MYO5C: variants seen among roughly 807,000 people sequenced by gnomAD.
MYO5C encodes the protein myosin VC, also known as unconventional myosin-Vc.
A neutral mutation model predicts 235.7 loss-of-function variants in MYO5C; 194 were observed. That is an observed-to-expected ratio of 0.82 (90% confidence interval 0.73 to 0.93). The LOEUF is 0.93. MYO5C is among the 40% of genes least tolerant of loss of function. MYO5C has a pLI of 0.00. For synonymous variants in MYO5C, 707 were observed against 754.8 expected (o/e 0.94, Z 1.04); for missense variants, 2,038 against 2,127.2 (o/e 0.96, Z 0.82).
chr15:52,224,836 G>A, intron 28 of MYO5C, 65 bp downstream of exon 28: 1 of 1,361,006 alleles, frequency 7.3e-7, no homozygotes, highest in Non-Finnish European at 1.0e-6. Flanking sequence ...GTAAACTTTG[G>A]ACTTTCCAAT....
intron 38 of MYO5C, among the ~76,000 whole-genome samples, chr15:52,197,044 C>T (rs998608019): frequency 2.0e-5 from 3 of 152,114 alleles, no homozygotes; most frequent in African/African-American, 2.4e-5. Context: ...CTAGTGGGAA[C>T]GTAAAATGGT....
At chr15:52,257,643 ACCCTAACACAG>A (rs1860893427) in intron 10 of MYO5C, among the ~76,000 whole-genome samples, 2 of 151,994 alleles carry the variant, frequency 1.3e-5, no homozygotes, top group South Asian at 4.2e-4. Flanking sequence ...ACCTCCTATA[ACCCTAACACAG>A]CCCTATGTGA....
chr15:52,280,490 C>T (rs1292692357), intron 2 of MYO5C, among the ~76,000 whole-genome samples: 1 of 152,228 alleles, frequency 6.6e-6, no homozygotes, highest in Non-Finnish European at 1.5e-5. Context: ...ATTCTAATTC[C>T]TACACTCCCA....
chr15:52,195,533 T>G, intron 39 of MYO5C, 76 bp from the exon 40 acceptor site: 3 of 918,608 alleles, frequency 3.3e-6, no homozygotes, highest in Non-Finnish European at 4.8e-6. Flanking sequence ...TTCTGGTTAT[T>G]GGGAACCATT....
intron 1 of MYO5C, among the ~76,000 whole-genome samples, chr15:52,289,296 C>G (rs2037341366): frequency 6.6e-6 from 1 of 152,114 alleles, no homozygotes; most frequent in South Asian, 2.1e-4. Context: ...TGCCTGGCAC[C>G]TGTGCATCTG....
chr15:52,286,133 G>A (rs1208916264), intron 1 of MYO5C, among the ~76,000 whole-genome samples: 6 of 150,976 alleles, frequency 4.0e-5, no homozygotes, highest in Non-Finnish European at 8.8e-5. Context: ...CACCCTCTGA[G>A]AAGTGAGGAG....
chr15:52,224,381 G>A (rs1476230239), intron 28 of MYO5C, among the ~76,000 whole-genome samples: 4 of 152,174 alleles, frequency 2.6e-5, no homozygotes, highest in African/African-American at 9.7e-5. Context: ...CACCAAGAGT[G>A]AACTCTAATG....
At position 52,245,342 on chromosome 15, in the gene MYO5C, G is replaced by A. The variant is rs961755518; in HGVS notation, c.2178+12C>T. On this transcript the variant is annotated intron_variant, in intron 18 of 40. Transcript: ENST00000261839. ...GAAGGAGACCATGATCCCAGGAGGT[G>A]GGGAAACTGACCTGGATGAGTCTGT... 6.4e-6 allele frequency: 10 copies of A among 1,564,440 alleles called. No homozygotes were observed. In the African/African-American group the frequency reaches 1.1e-4, roughly 17 times the overall value.
At chr15:52,279,369 T>C (rs1386617249) in intron 3 of MYO5C, 140 bp downstream of exon 3, 2 of 807,156 alleles carry the variant, frequency 2.5e-6, no homozygotes, top group Non-Finnish European at 3.8e-6. Flanking sequence ...TTAGTTCTTG[T>C]TGAAGATTCT....
At position 52,244,491 on chromosome 15, in the gene MYO5C, C is replaced by T. The variant is rs1331159911; in HGVS notation, c.2255G>A (p.Arg752Gln). 3.7e-6 allele frequency: 6 copies of T among 1,614,020 alleles called. No individual in the cohort carries two copies. Among genetic ancestry groups the T allele is most frequent in the African/African-American group, 2.7e-5 (2 of 74,896 alleles). The change falls in exon 19 of 41, where the codon CGA (arginine) becomes CAA (glutamine). Residue 752 changes from arginine (R) to glutamine (Q), a missense_variant. Coordinates refer to ENST00000261839, the MANE Select transcript of MYO5C (RefSeq NM_018728.4). The part of the protein sequence containing the change: ...AGQVAYLEKL[R>Q]LDKLRQSCVM... ...ACAACTCTGCCTCAGTTTATCCAAT[C>T]GAAGTTTCTCTAAATAAGCCACTTG...
Position 52,279,545 on chromosome 15 carries a change from G to A in MYO5C, c.268C>T (p.Arg90Cys), listed in dbSNP as rs764941433. 14 of 1,613,780 alleles carry A rather than the reference G, an allele frequency of 8.7e-6. No individual in the cohort carries two copies. Among genetic ancestry groups the A allele is most frequent in the South Asian group, 1.1e-5 (1 of 91,068 alleles). ...EPAVLHNLRI[R>C]FAESKLIYTY... The stretch of plus-strand genomic sequence containing the variant: ...TAAATGAGTTTGGATTCTGCAAAGC[G>A]GATTCTGAGGTTGTGGAGCACCGCG... Residue 90 changes from arginine (R) to cysteine (C), a missense_variant, in exon 3 of 41, where the codon CGC becomes TGC. Coordinates refer to ENST00000261839, the MANE Select transcript of MYO5C (RefSeq NM_018728.4).
Position 52,245,968 on chromosome 15 carries a change from C to T in MYO5C, c.2054G>A (p.Ser685Asn), listed in dbSNP as rs1391662676. 3 of 1,614,164 alleles carry T rather than the reference C, an allele frequency of 1.9e-6. No individual in the cohort carries two copies. In the Admixed American group the frequency reaches 5.0e-5, roughly 27 times the overall value. The part of the protein sequence containing the change: ...VLETIRISAQ[S>N]YPSRWTYIEF... ...ACGGACAACATACCTGGAAGGGTAG[C>T]TCTGTGCACTAATGCGAATCGTTTC... is the stretch of plus-strand genomic sequence containing the variant. The change falls in exon 17 of 41, where the codon AGC becomes AAC. Residue 685 changes from serine (S) to asparagine (N), a missense_variant. By Grantham distance (46) the Ser-to-Asn change is conservative. Coordinates refer to ENST00000261839, the MANE Select transcript of MYO5C (RefSeq NM_018728.4).
chr15:52,201,726 G>T (rs2141261908), intron 38 of MYO5C, among the ~76,000 whole-genome samples: 1 of 152,142 alleles, frequency 6.6e-6, no homozygotes, highest in East Asian at 1.9e-4. Context: ...TACAGTTTTT[G>T]ATGTATGTAG....
intron 23 of MYO5C, 142 bp downstream of exon 23, chr15:52,235,528 T>C: frequency 1.8e-6 from 1 of 568,926 alleles, no homozygotes; most frequent in South Asian, 3.3e-5. Context: ...GACTTAAATA[T>C]GGCTATTCCT....
At chr15:52,258,967 C>G (rs1027571421) in intron 10 of MYO5C, among the ~76,000 whole-genome samples, 1 of 152,202 alleles carries the variant, frequency 6.6e-6, no homozygotes, top group African/African-American at 2.4e-5. Flanking sequence ...CTGCTAACCT[C>G]CAGCACACCT....
rs2035820529 is a variant in MYO5C, at chr15:52,226,255, T to A, written c.3208-723A>T. 3.3e-5 allele frequency among the ~76,000 whole-genome samples: 5 copies of A among 152,246 alleles called. No individual in the cohort carries two copies. In the South Asian group the frequency reaches 1.0e-3, roughly 32 times the overall value. The stretch of plus-strand genomic sequence containing the variant: ...TGTGGGTTTTGGCTTCAGCTCAGCT[T>A]AGATGTGGAGCAGTGGCAGAGACTG... On this transcript the variant is annotated intron_variant, in intron 25 of 40. Transcript: ENST00000261839.
chr15:52,234,153 T>C (rs2036027949), intron 23 of MYO5C, among the ~76,000 whole-genome samples: 1 of 152,244 alleles, frequency 6.6e-6, no homozygotes, highest in African/African-American at 2.4e-5. Flanking sequence ...CTAAAGAAGC[T>C]GCTCGAATGT....
rs1185453412 is a variant in MYO5C at position 52,242,217 on chromosome 15, G to A, written c.2391-4C>T. ...GGCCACTGCAGTAATAGCTTTCCTT[G>A]GTTAACAAGGATGAAGAGTGAGTCT... On this transcript the variant is annotated splice_polypyrimidine_tract_variant and splice_region_variant and intron_variant, in intron 19 of 40. Coordinates refer to ENST00000261839, the MANE Select transcript of MYO5C (RefSeq NM_018728.4). The A allele has an allele frequency of 6.2e-7, 1 of 1,607,770 alleles. No homozygotes were observed. The highest frequency in any genetic ancestry group is 1.3e-5 in the African/African-American group (1 of 74,838).
chr15:52,282,218 T>C (rs1265284805), intron 2 of MYO5C, among the ~76,000 whole-genome samples: 1 of 152,114 alleles, frequency 6.6e-6, no homozygotes, highest in East Asian at 1.9e-4. Context: ...AAGCTGGGTG[T>C]CCATGTCTTC....
Sources: gnomAD v4.1 joint callset for allele counts (sites outside exome capture counted in the v4.1 genomes callset) on GRCh38, gnomAD v4.1.1 for gene constraint, MANE v1.5 for transcripts, NCBI Gene and HGNC (gene_info 2026-07-23, HGNC 2026-07-21) for gene names.